Variants in SLC31A2 observed in about 807,000 individuals in gnomAD.
The protein encoded by SLC31A2 is solute carrier family 31 member 2, also known as protein SLC31A2.
Under a neutral mutation model 14.4 loss-of-function variants are expected in SLC31A2, and 16 were observed. The observed-to-expected ratio is 1.11, with a 90% CI of 0.75 to 1.69. The LOEUF is 1.69. Among genes scored for constraint, SLC31A2 ranks in the 40% most tolerant of loss-of-function variants. SLC31A2 has a pLI of 0.00. For missense variants in SLC31A2, 140 were observed against 173.9 expected (o/e 0.81, Z 1.10); for synonymous variants, 56 against 68.7 (o/e 0.82, Z 0.91).
chr9:113,161,856 G>A, intron 3 of SLC31A2, 158 bp downstream of exon 3: 1 of 783,914 alleles, frequency 1.3e-6, no homozygotes, highest in African/African-American at 1.7e-5. Flanking sequence ...AAGTGAACTA[G>A]AGCTCATGTC....
rs990191042 is a variant in SLC31A2, at chr9:113,158,050, A to C, written c.73+257A>C. 1.2e-4 allele frequency: 69 copies of C among 568,230 alleles called. No homozygotes were observed. The East Asian group carries it at 3.0e-3, about 25-fold the overall frequency. 35.2% of individuals were successfully genotyped at this position (568,230 alleles called of 1,614,324 possible). On this transcript the variant is annotated intron_variant, in intron 2 of 3. Transcript: ENST00000259392. ...GCTTTTCCCTCTGTTACAGGGCAAG[A>C]AACTAAAGCCCAGAGACAGGAAGAG...
chr9:113,161,662 G>A lies in SLC31A2; in HGVS notation c.227G>A (p.Gly76Asp), dbSNP rs115289441. 343 of 1,613,982 alleles carry A rather than the reference G, an allele frequency of 2.1e-4. No individual in the cohort carries two copies. In the African/African-American group the frequency reaches 2.9e-3, roughly 14 times the overall value. Residue 76 changes from glycine to aspartate, a missense_variant, in exon 3 of 4, where the codon GGC becomes GAC. Transcript: ENST00000259392. ...GCAGAGACAGACGGGGACTCTGCAG[G>A]CTCAGATTCATTCCCTGTTGGCAGA... ...TIAETDGDSA[G>D]SDSFPVGRTH...
chr9:113,157,907 G>T, intron 2 of SLC31A2, 114 bp downstream of exon 2: 1 of 778,430 alleles, frequency 1.3e-6, no homozygotes, highest in Admixed American at 2.0e-5. Flanking sequence ...GATTCCTCTG[G>T]CATAAACACT....
chr9:113,155,600 A>G (rs1270704021), intron 1 of SLC31A2, among the ~76,000 whole-genome samples: 2 of 152,186 alleles, frequency 1.3e-5, no homozygotes, highest in South Asian at 4.1e-4. Context: ...AGGGGAGGAG[A>G]GAGTTCTGGG....
chr9:113,163,825 A>ATACT lies in SLC31A2; in HGVS notation c.*911_*914dup, dbSNP rs1205030373. 2 of 152,624 alleles carry ATACT rather than the reference A, an allele frequency of 1.3e-5. No individual in the cohort carries two copies. Among genetic ancestry groups the ATACT allele is most frequent in the African/African-American group, 4.8e-5 (2 of 41,448 alleles). The allele number at this position is 152,624 out of a possible 1,614,324, so 9.5% of individuals were successfully genotyped here. ...AAAAAGCTGCATCTAATAATGTTCA[A>ATACT]TACTTAATATTCTCTATTTATTACT... On this transcript the variant is annotated 3_prime_UTR_variant, in exon 4 of 4. Transcript: ENST00000259392.
intron 2 of SLC31A2, among the ~76,000 whole-genome samples, chr9:113,160,222 T>TA (rs758482806): frequency 8.6e-5 from 13 of 151,484 alleles, no homozygotes; most frequent in Non-Finnish European, 1.6e-4. Flanking sequence ...GTACAATGAA[T>TA]AGCTGTGTGG....
intron 2 of SLC31A2, 174 bp from the exon 3 acceptor site, chr9:113,161,335 A>G (rs879800719): frequency 3.1e-6 from 2 of 637,534 alleles, no homozygotes; most frequent in Non-Finnish European, 5.4e-6. Context: ...TCAAAGCCAC[A>G]CTCCAGCTAA....
chr9:113,161,451 C>T (rs1271355255), intron 2 of SLC31A2, 58 bp from the exon 3 acceptor site: 11 of 1,505,484 alleles, frequency 7.3e-6, no homozygotes, highest in Non-Finnish European at 9.2e-6. Context: ...GGTGGAGGTG[C>T]TGGAAGGGAA....
Position 113,151,956 on chromosome 9 carries a change from C to A in SLC31A2, c.6+876C>A, listed in dbSNP as rs1253600897. 6.1e-5 allele frequency: 9 copies of A among 148,546 alleles called. No homozygotes were observed. Among genetic ancestry groups the A allele is most frequent in the Non-Finnish European group, 4.5e-5 (3 of 66,990 alleles). The allele number at this position is 148,546 out of a possible 1,614,324, so 9.2% of individuals were successfully genotyped here. On this transcript the variant is annotated intron_variant, in intron 1 of 3. Transcript: ENST00000259392. The surrounding 1 kb of genome is among the most constrained non-coding windows in gnomAD (Gnocchi z 4.2). Reference sequence around the variant, plus strand: ...ACAAGACGTCCTCAAACAAACAAAACAAAAAAAAAAAGATATAGGAAGTGT... The same window carrying A: ...ACAAGACGTCCTCAAACAAACAAAAAAAAAAAAAAAAGATATAGGAAGTGT...
At position 113,164,090 on chromosome 9, in the gene SLC31A2, G is replaced by A. The variant is rs1488888716; in HGVS notation, c.*1173G>A. On this transcript the variant is annotated 3_prime_UTR_variant, in exon 4 of 4. Coordinates refer to ENST00000259392, the MANE Select transcript of SLC31A2 (RefSeq NM_001860.3). Reference sequence around the variant, plus strand: ...ATGAAAAGATGGTTGTAAGCTTTGGGAATTAAAAACAAACAAATACATTTT... The same window carrying A: ...ATGAAAAGATGGTTGTAAGCTTTGGAAATTAAAAACAAACAAATACATTTT... The A allele has an allele frequency of 7.3e-6, 1 of 136,650 alleles. No homozygotes were observed. The highest frequency in any genetic ancestry group is 1.7e-5 in the Non-Finnish European group (1 of 60,414). 8.5% of individuals were successfully genotyped at this position (136,650 alleles called of 1,614,324 possible). A position where few individuals can be genotyped will look rare whatever the true frequency, so the allele number is the denominator to read the frequency against.
At chr9:113,161,047 A>G (rs1001185470) in intron 2 of SLC31A2, 1 of 152,896 alleles carries the variant, frequency 6.5e-6, no homozygotes, top group Non-Finnish European at 1.5e-5. Context: ...CCCCTATTAT[A>G]AAAGTAATAT....
chr9:113,163,435 T>G lies in SLC31A2; in HGVS notation c.*518T>G, dbSNP rs1830049074. ...TTTCTGCCTTTGGAACACATGAAGA[T>G]CATCTCGTCTATGGATCATGTTGAC... On this transcript the variant is annotated 3_prime_UTR_variant, in exon 4 of 4. Transcript: ENST00000259392. The G allele has an allele frequency of 6.5e-6, 1 of 152,758 alleles. No homozygotes were observed. The highest frequency in any genetic ancestry group is 1.5e-5 in the Non-Finnish European group (1 of 68,128). 9.5% of individuals were successfully genotyped at this position (152,758 alleles called of 1,614,324 possible).
intron 3 of SLC31A2, chr9:113,161,989 AC>A (rs949680783): frequency 2.0e-6 from 1 of 490,392 alleles, no homozygotes; most frequent in African/African-American, 2.0e-5. Context: ...GTGGCCACCC[AC>A]CCTCCCCCAA....
intron 3 of SLC31A2, 59 bp from the exon 4 acceptor site, chr9:113,162,689 TC>T: frequency 6.7e-7 from 1 of 1,495,218 alleles, no homozygotes; most frequent in Non-Finnish European, 9.1e-7. Flanking sequence ...TGATATCTAC[TC>T]CCAGCTTCCT....
rs760428541 is a variant in SLC31A2 at position 113,161,636 on chromosome 9, C to T, written c.201C>T (p.Ile67=). The T allele has an allele frequency of 6.2e-6, 10 of 1,614,016 alleles. No individual in the cohort carries two copies. The highest frequency in any genetic ancestry group is 2.2e-5 in the South Asian group (2 of 91,086). ...NLPTSISQQT[I]AETDGDSAGS... is the part of the protein sequence containing the mutation. ...CAACCTCCATCAGCCAGCAGACCAT[C>T]GCAGAGACAGACGGGGACTCTGCAG... is the stretch of plus-strand genomic sequence containing the variant. Residue 67 remains isoleucine, a synonymous_variant, in exon 3 of 4, where the codon ATC becomes ATT. Coordinates refer to ENST00000259392, the MANE Select transcript of SLC31A2 (RefSeq NM_001860.3).
rs112393959 is a variant in SLC31A2 at position 113,151,309 on chromosome 9, T to C, written c.6+229T>C. On this transcript the variant is annotated intron_variant, in intron 1 of 3. Transcript: ENST00000259392. This position sits in a 1 kb window ranked among gnomAD's most constrained non-coding sequence, Gnocchi z 4.2. ...CCCTCCTGCTGGGAGGCAGTCCGGC[T>C]AGGCGAGCAGTTACCGAGCGCCCGC... Among the ~76,000 whole-genome samples the C allele has an allele frequency of 0.065, 9,933 of 151,902 alleles. 495 individuals carry two copies. The highest frequency in any genetic ancestry group is 0.19 in the East Asian group (968 of 5,082).
intron 1 of SLC31A2, among the ~76,000 whole-genome samples, chr9:113,155,780 A>G (rs1228149946): frequency 3.9e-4 from 2 of 5,088 alleles, no homozygotes; most frequent in Admixed American, 5.6e-3. Flanking sequence ...CATGTATGGG[A>G]AAAAAAGGCA....
intron 2 of SLC31A2, among the ~76,000 whole-genome samples, chr9:113,158,491 G>A (rs7854882): frequency 0.32 from 48,114 of 152,050 alleles, 7,788 homozygotes; most frequent in Non-Finnish European, 0.33. Flanking sequence ...CTGGACCCAG[G>A]TGAGTGGTCC....
At chr9:113,154,480 A>G (rs1233588496) in intron 1 of SLC31A2, among the ~76,000 whole-genome samples, 2 of 152,142 alleles carry the variant, frequency 1.3e-5, no homozygotes, top group Non-Finnish European at 2.9e-5. Context: ...GAGCCTCAGA[A>G]TCTCCTGAAG....
Sources: allele counts gnomAD v4.1 joint callset (sites outside exome capture counted in the v4.1 genomes callset), GRCh38; gene constraint gnomAD v4.1.1; non-coding constraint Gnocchi (gnomAD v3.1); transcripts MANE v1.5; gene names NCBI Gene and HGNC (gene_info 2026-07-23, HGNC 2026-07-21).